DPP6: variants seen among roughly 807,000 people sequenced by gnomAD.
DPP6 encodes the protein dipeptidyl peptidase like 6.
Under a neutral mutation model 122.6 loss-of-function variants are expected in DPP6, and 69 were observed. The ratio of observed to expected loss-of-function variants is 0.56; its 90% CI spans 0.46 to 0.69. The LOEUF (loss-of-function observed/expected upper bound fraction) is 0.69. DPP6 is among the 30% of genes least tolerant of loss of function. DPP6 has a pLI of 0.00. For missense variants in DPP6, 928 were observed against 1,116.9 expected (o/e 0.83, Z 2.41); for synonymous variants, 418 against 433.1 (o/e 0.97, Z 0.43).
At chr7:154,514,437 G>T (rs557877550) in intron 3 of DPP6, among the ~76,000 whole-genome samples, 1 of 151,800 alleles carries the variant, frequency 6.6e-6, no homozygotes, top group African/African-American at 2.4e-5. Flanking sequence ...CCATGTAAAA[G>T]TATATACTTT....
Position 154,452,207 on chromosome 7 carries a change from G to C in DPP6, c.358+5879G>C, listed in dbSNP as rs567014855. ...ATGCCAGTACTTCCCATGAAGCTTA[G>C]AGTCCACGTAAAGACAATGCATGTG... is the stretch of plus-strand genomic sequence containing the variant. On this transcript the variant is annotated intron_variant, in intron 2 of 25. Coordinates refer to ENST00000377770, the MANE Select transcript of DPP6 (RefSeq NM_130797.4). Among the ~76,000 whole-genome samples, 4 of 152,336 alleles carry C rather than the reference G, an allele frequency of 2.6e-5. No individual in the cohort carries two copies. In the South Asian group the frequency reaches 8.3e-4, roughly 32 times the overall value.
Position 154,618,425 on chromosome 7 carries a change from G to A in DPP6, c.628-19396G>A, listed in dbSNP as rs1033628356. Among the ~76,000 whole-genome samples the A allele has an allele frequency of 2.0e-5, 3 of 152,152 alleles. No homozygotes were observed. Among genetic ancestry groups the A allele is most frequent in the African/African-American group, 4.8e-5 (2 of 41,426 alleles). On this transcript the variant is annotated intron_variant, in intron 5 of 25. Transcript: ENST00000377770. The surrounding 1 kb of genome is among the most constrained non-coding windows in gnomAD (Gnocchi z 4.1). ...ACCCTTCCTGTGCACACACACTGTTGCTTGCCCAGACATGCTTCCCCTTTG... is the reference window on the plus strand; with the variant it reads ...ACCCTTCCTGTGCACACACACTGTTACTTGCCCAGACATGCTTCCCCTTTG...
chr7:154,051,913 C>T (rs1053343531), upstream of DPP6, among the ~76,000 whole-genome samples: 10 of 151,866 alleles, frequency 6.6e-5, no homozygotes, highest in African/African-American at 2.4e-4. Flanking sequence ...CTCTCCCACG[C>T]CCCATTCGCA....
chr7:153,958,265 G>T (rs1053968642), intron 1 of DPP6, among the ~76,000 whole-genome samples: 1 of 152,288 alleles, frequency 6.6e-6, no homozygotes, highest in Non-Finnish European at 1.5e-5. Flanking sequence ...TGAGGCAGGC[G>T]CAGGGCTGGG....
At chr7:153,975,782 G>C (rs1456334428) in intron 1 of DPP6, among the ~76,000 whole-genome samples, 1 of 152,124 alleles carries the variant, frequency 6.6e-6, no homozygotes. Flanking sequence ...ATATAGCATA[G>C]ACATTGAATA....
At chr7:153,766,681 A>G in the DPP6 span, among the ~76,000 whole-genome samples, 1 of 152,192 alleles carries the variant, frequency 6.6e-6, no homozygotes, top group Non-Finnish European at 1.5e-5. Flanking sequence ...AAATTCAATA[A>G]TATTCACACA....
intron 10 of DPP6, among the ~76,000 whole-genome samples, chr7:154,784,488 G>C (rs984613873): frequency 1.3e-5 from 2 of 152,144 alleles, no homozygotes; most frequent in Non-Finnish European, 2.9e-5. Flanking sequence ...CAACGTACTT[G>C]TTCCTTCATT....
chr7:154,380,548 C>T (rs914224430), intron 1 of DPP6, among the ~76,000 whole-genome samples: 3 of 152,184 alleles, frequency 2.0e-5, no homozygotes, highest in Admixed American at 6.5e-5. Context: ...CTGTGCACAC[C>T]AGGTGAATCC....
chr7:153,820,872 T>C, the DPP6 span, among the ~76,000 whole-genome samples: 2 of 147,522 alleles, frequency 1.4e-5, no homozygotes, highest in Admixed American at 1.4e-4. Context: ...GTCTTACAGC[T>C]GAGAGGTGAT....
intron 16 of DPP6, among the ~76,000 whole-genome samples, chr7:154,819,426 TA>T (rs769692711): frequency 0.015 from 1,346 of 92,770 alleles, 11 homozygotes; most frequent in African/African-American, 0.02. Context: ...AATAAATAAA[TA>T]AATTAATTAA....
intron 2 of DPP6, among the ~76,000 whole-genome samples, chr7:154,451,064 C>T (rs1240697933): frequency 1.3e-5 from 2 of 152,080 alleles, no homozygotes; most frequent in Non-Finnish European, 2.9e-5. Context: ...TCACGAGTGT[C>T]ACTCAAGAGT....
chr7:154,877,939 G>A lies in DPP6; in HGVS notation c.2078+1839G>A, dbSNP rs1805033167. On this transcript the variant is annotated intron_variant, in intron 20 of 25. Transcript: ENST00000377770. This position sits in a 1 kb window ranked among gnomAD's most constrained non-coding sequence, Gnocchi z 5.2. ...TCAGCAGCGGGCAGTGCCAGCCACA[G>A]AGGACTCCCAGGACACGGAAGCCGG... Among the ~76,000 whole-genome samples, 1 of 152,226 alleles carries A rather than the reference G, an allele frequency of 6.6e-6. No homozygotes were observed. The highest frequency in any genetic ancestry group is 1.5e-5 in the Non-Finnish European group (1 of 68,032).
At chr7:153,836,481 T>C in the DPP6 span, among the ~76,000 whole-genome samples, 1 of 152,166 alleles carries the variant, frequency 6.6e-6, no homozygotes, top group African/African-American at 2.4e-5. Context: ...TACCTATGCC[T>C]CCATAAAGGA....
chr7:154,049,952 C>T (rs1030931095), upstream of DPP6, among the ~76,000 whole-genome samples: 2 of 152,180 alleles, frequency 1.3e-5, no homozygotes, highest in Non-Finnish European at 2.9e-5. Context: ...TATAGCCAAG[C>T]GCTTTTCAAT....
chr7:153,991,624 A>T (rs1437785633), intron 1 of DPP6, among the ~76,000 whole-genome samples: 1 of 152,150 alleles, frequency 6.6e-6, no homozygotes, highest in African/African-American at 2.4e-5. Flanking sequence ...TTGCATCATG[A>T]CTTTGTCCAA....
chr7:154,168,215 C>T (rs956714574), intron 1 of DPP6, among the ~76,000 whole-genome samples: 2 of 152,172 alleles, frequency 1.3e-5, no homozygotes, highest in Admixed American at 6.5e-5. Context: ...GAAGCCCAGA[C>T]AGACGAGAGG....
chr7:154,091,875 G>A (rs1434932875), intron 1 of DPP6, among the ~76,000 whole-genome samples: 1 of 152,188 alleles, frequency 6.6e-6, no homozygotes, highest in Non-Finnish European at 1.5e-5. Flanking sequence ...TCCAAAGCAA[G>A]GTTCAGAAGA....
intron 1 of DPP6, among the ~76,000 whole-genome samples, chr7:154,354,824 GCA>G (rs1395177092): frequency 6.6e-6 from 1 of 151,902 alleles, no homozygotes; most frequent in African/African-American, 2.4e-5. Flanking sequence ...TGATCATTAT[GCA>G]CAATGCTGCG....
At chr7:154,454,025 G>A (rs1029837028) in intron 2 of DPP6, among the ~76,000 whole-genome samples, 9 of 152,180 alleles carry the variant, frequency 5.9e-5, no homozygotes, top group Non-Finnish European at 1.2e-4. Context: ...TGTAGAAATA[G>A]ATGGCTTGCT....
Sources: gnomAD v4.1 joint callset for allele counts (sites outside exome capture counted in the v4.1 genomes callset) on GRCh38, gnomAD v4.1.1 for gene constraint, Gnocchi (gnomAD v3.1) non-coding constraint, MANE v1.5 for transcripts, NCBI Gene and HGNC (gene_info 2026-07-23, HGNC 2026-07-21) for gene names.